The following PLS1 variants were observed in gnomAD, a reference collection of about 807,000 sequenced individuals.
The protein encoded by PLS1 is plastin 1.
PLS1 carries 32 observed loss-of-function variants against 73.7 expected under a neutral mutation model. The observed-to-expected ratio is 0.43, with a 90% CI of 0.33 to 0.58. The LOEUF is 0.58. Ranked by LOEUF, PLS1 falls within the 20% of genes least tolerant of loss-of-function variation. The pLI is 0.04. For missense variants in PLS1, 633 were observed against 740.5 expected, an observed-to-expected ratio of 0.85 and a Z score of 1.68; for synonymous variants, 217 against 261.3, an observed-to-expected ratio of 0.83 and a Z score of 1.63.
At chr3:142,641,705 C>T (rs951206961) in intron 1 of PLS1, among the ~76,000 whole-genome samples, 1 of 152,012 alleles carries the variant, frequency 6.6e-6, no homozygotes, top group African/African-American at 2.4e-5. Context: ...GGTCTTCCTA[C>T]AGAGCACTTC....
intron 14 of PLS1, among the ~76,000 whole-genome samples, chr3:142,706,914 A>G (rs1288767063): frequency 6.6e-6 from 1 of 152,168 alleles, no homozygotes; most frequent in East Asian, 1.9e-4. Context: ...TGATGAGTTC[A>G]GTTTTAAGCT....
chr3:142,613,141 G>A (rs2036153821), intron 1 of PLS1, among the ~76,000 whole-genome samples: 1 of 152,064 alleles, frequency 6.6e-6, no homozygotes, highest in African/African-American at 2.4e-5. Context: ...AGTCTGAGAA[G>A]AAAGAGAAGT....
At chr3:142,705,840 C>G (rs1255761560) in intron 14 of PLS1, among the ~76,000 whole-genome samples, 1 of 152,148 alleles carries the variant, frequency 6.6e-6, no homozygotes, top group Non-Finnish European at 1.5e-5. Flanking sequence ...TGCCTGAGTC[C>G]TAGTTCAATT....
At chr3:142,610,405 G>T (rs2036098528) in intron 1 of PLS1, among the ~76,000 whole-genome samples, 1 of 152,158 alleles carries the variant, frequency 6.6e-6, no homozygotes, top group African/African-American at 2.4e-5. Context: ...ACAGAGTACA[G>T]TAAGATCTAA....
At chr3:142,652,347 A>T (rs140648940) in intron 1 of PLS1, among the ~76,000 whole-genome samples, 407 of 152,262 alleles carry the variant, frequency 2.7e-3, no homozygotes, top group African/African-American at 9.3e-3. Context: ...TTCTATTGCT[A>T]CTTTTTATTG....
intron 1 of PLS1, among the ~76,000 whole-genome samples, chr3:142,650,789 C>G (rs978005413): frequency 1.3e-5 from 2 of 152,162 alleles, no homozygotes; most frequent in African/African-American, 4.8e-5. Flanking sequence ...ATGATGGGGA[C>G]TTGGGTAATA....
rs914598368 is a variant in PLS1 at position 142,704,606 on chromosome 3, A to T, written c.1629+20A>T. On this transcript the variant is annotated intron_variant, in intron 14 of 15. Transcript: ENST00000457734. ...TTCAAGGTAATCAAGAGTCCTAAAA[A>T]AAATTTTTTTTTGTAGGTATAGGAA... 1 of 1,449,564 alleles carries T rather than the reference A, an allele frequency of 6.9e-7. No homozygotes were observed. The highest frequency in any genetic ancestry group is 1.5e-5 in the African/African-American group (1 of 65,882). The allele number at this position is 1,449,564 out of a possible 1,614,324, so 89.8% of individuals were successfully genotyped here.
At chr3:142,622,906 T>G (rs1275272712) in intron 1 of PLS1, among the ~76,000 whole-genome samples, 2 of 152,228 alleles carry the variant, frequency 1.3e-5, no homozygotes, top group East Asian at 3.8e-4. Flanking sequence ...TTCTGGGAAT[T>G]AATTCTTCAT....
chr3:142,630,436 A>C (rs1055670340), intron 1 of PLS1, among the ~76,000 whole-genome samples: 3 of 150,270 alleles, frequency 2.0e-5, no homozygotes, highest in African/African-American at 7.4e-5. Context: ...AAAAAAAAAA[A>C]AAAACAAACA....
intron 1 of PLS1, among the ~76,000 whole-genome samples, chr3:142,619,275 A>G (rs957760559): frequency 1.7e-4 from 26 of 152,150 alleles, no homozygotes; most frequent in Non-Finnish European, 7.4e-5. Context: ...AAATTCTGAT[A>G]TGAGAGAGGC....
chr3:142,686,057 A>T (rs879087573), intron 8 of PLS1, among the ~76,000 whole-genome samples: 1 of 152,220 alleles, frequency 6.6e-6, no homozygotes, highest in African/African-American at 2.4e-5. Context: ...ATCCAGGTGC[A>T]GGAAACAGCA....
chr3:142,704,322 TG>T, intron 13 of PLS1, 140 bp from the exon 14 acceptor site: 1 of 674,134 alleles, frequency 1.5e-6, no homozygotes, highest in Non-Finnish European at 2.4e-6. Context: ...GGAATGTAAC[TG>T]GGTGCAAATG....
chr3:142,628,678 A>G (rs1363478510), intron 1 of PLS1, among the ~76,000 whole-genome samples: 5 of 152,224 alleles, frequency 3.3e-5, no homozygotes, highest in Non-Finnish European at 7.3e-5. Context: ...GTTTTAGGCC[A>G]CCATGAAGAA....
chr3:142,634,993 T>A (rs146606565), intron 1 of PLS1, among the ~76,000 whole-genome samples: 69 of 151,800 alleles, frequency 4.5e-4, no homozygotes, highest in African/African-American at 1.6e-3. Flanking sequence ...CAATCATGGC[T>A]CACTGTAGCC....
chr3:142,677,374 G>A (rs2037744854), intron 5 of PLS1, among the ~76,000 whole-genome samples: 1 of 152,110 alleles, frequency 6.6e-6, no homozygotes, highest in Non-Finnish European at 1.5e-5. Context: ...GACTGGGCGT[G>A]GTGGCTCATG....
rs146341428 is a variant in PLS1, at chr3:142,711,568, G to A, written c.1697G>A (p.Arg566His). ...GATGCCATTGCACCAAATGCAGTTC[G>A]TCAAGAAATGATCAGGAGAGAAAAC... Reference protein sequence around the residue: ...LIDAIAPNAVRQEMIRRENLS... With the variant: ...LIDAIAPNAVHQEMIRRENLS... The change falls in exon 15 of 16, where the codon CGT becomes CAT. Residue 566 changes from arginine (R) to histidine (H), a missense_variant. Coordinates refer to ENST00000457734, the MANE Select transcript of PLS1 (RefSeq NM_001145319.2). The A allele has an allele frequency of 4.3e-5, 69 of 1,606,560 alleles. No individual in the cohort carries two copies. The highest frequency in any genetic ancestry group is 1.0e-4 in the Admixed American group (6 of 59,962).
At chr3:142,680,105 A>G (rs1186807659) in intron 6 of PLS1, among the ~76,000 whole-genome samples, 2 of 152,262 alleles carry the variant, frequency 1.3e-5, no homozygotes, top group East Asian at 3.9e-4. Flanking sequence ...TTTTAAAGAG[A>G]TGAGGGTCTT....
intron 1 of PLS1, among the ~76,000 whole-genome samples, chr3:142,651,881 C>G (rs553273851): frequency 6.2e-4 from 95 of 152,360 alleles, no homozygotes; most frequent in Non-Finnish European, 1.1e-3. Context: ...CTCTTGGCAA[C>G]AGTCCACAGG....
intron 2 of PLS1, among the ~76,000 whole-genome samples, chr3:142,666,618 T>C (rs1217315672): frequency 6.6e-6 from 1 of 152,250 alleles, no homozygotes; most frequent in Non-Finnish European, 1.5e-5. Context: ...GGTCTACAAA[T>C]ACCTGTTGAA....
Sources: gnomAD v4.1 joint callset for allele counts (sites outside exome capture counted in the v4.1 genomes callset) on GRCh38, gnomAD v4.1.1 for gene constraint, MANE v1.5 for transcripts, NCBI Gene and HGNC (gene_info 2026-07-23, HGNC 2026-07-21) for gene names.